The following PAFAH1B1 variants were observed in gnomAD, a reference collection of about 807,000 sequenced individuals.
PAFAH1B1 encodes the protein platelet activating factor acetylhydrolase 1b regulatory subunit 1.
In PAFAH1B1, 2 loss-of-function variants were observed where a neutral mutation model predicts 57.5. That is an observed-to-expected ratio of 0.03 (90% confidence interval 0.01 to 0.11). PAFAH1B1 has a LOEUF of 0.11. Among genes scored for constraint, PAFAH1B1 ranks in the 10% least tolerant of loss-of-function variants. The pLI is 1.00. For synonymous variants in PAFAH1B1, 152 were observed against 169.6 expected (o/e 0.90, Z 0.81); for missense variants, 257 against 512.0 (o/e 0.50, Z 4.81).
chr17:2,675,191 C>G (rs568387319), intron 8 of PAFAH1B1, among the ~76,000 whole-genome samples: 3 of 152,034 alleles, frequency 2.0e-5, no homozygotes, highest in Non-Finnish European at 4.4e-5. Flanking sequence ...TTAGTAGAAA[C>G]AAGGTTTTGC....
intron 1 of PAFAH1B1, among the ~76,000 whole-genome samples, chr17:2,596,385 G>A (rs909905064): frequency 6.6e-6 from 1 of 152,122 alleles, no homozygotes; most frequent in Non-Finnish European, 1.5e-5. Flanking sequence ...TTTTAAAATA[G>A]TGAACATAAA....
intron 9 of PAFAH1B1, among the ~76,000 whole-genome samples, chr17:2,679,007 T>G (rs1214733270): frequency 6.6e-6 from 1 of 152,202 alleles, no homozygotes; most frequent in African/African-American, 2.4e-5. Flanking sequence ...ACTGAATTGT[T>G]GGTTGTATGT....
intron 1 of PAFAH1B1, among the ~76,000 whole-genome samples, chr17:2,606,404 C>T (rs1290196435): frequency 2.6e-5 from 4 of 151,902 alleles, no homozygotes; most frequent in Non-Finnish European, 1.5e-5. Flanking sequence ...TCACTCTTGT[C>T]GCCCAGGCTG....
intron 2 of PAFAH1B1, among the ~76,000 whole-genome samples, chr17:2,643,014 A>G (rs541610181): frequency 6.6e-6 from 1 of 152,308 alleles, no homozygotes; most frequent in Non-Finnish European, 1.5e-5. Flanking sequence ...GTTTTTAAAA[A>G]TATGAGATAG....
chr17:2,644,805 C>T (rs2068744852), intron 2 of PAFAH1B1, among the ~76,000 whole-genome samples: 1 of 152,120 alleles, frequency 6.6e-6, no homozygotes, highest in African/African-American at 2.4e-5. Context: ...TCACTGCAGT[C>T]ACACTACCTT....
chr17:2,604,608 C>T (rs2068185351), intron 1 of PAFAH1B1, among the ~76,000 whole-genome samples: 3 of 152,038 alleles, frequency 2.0e-5, no homozygotes, highest in Non-Finnish European at 2.9e-5. Context: ...GTCAGGAGTT[C>T]GAGACCAGCC....
In PAFAH1B1 at chr17:2,654,484, A is replaced by G. The variant is rs138607070; in HGVS notation, c.33-10888A>G. Among the ~76,000 whole-genome samples, 134 of 152,122 alleles carry G rather than the reference A, an allele frequency of 8.8e-4. 2 individuals carry two copies. Among genetic ancestry groups the G allele is most frequent in the African/African-American group, 3.1e-3 (127 of 41,514 alleles). On this transcript the variant is annotated intron_variant, in intron 2 of 10. Transcript: ENST00000397195. ...GCCACTCCACTCGGTCTGTCTTTTCAACTTTAAAAGTTTGATAATGATGGA... is the reference window on the plus strand; with the variant it reads ...GCCACTCCACTCGGTCTGTCTTTTCGACTTTAAAAGTTTGATAATGATGGA...
chr17:2,678,010 A>G (rs1028605007), intron 9 of PAFAH1B1, among the ~76,000 whole-genome samples: 8 of 151,790 alleles, frequency 5.3e-5, no homozygotes, highest in Non-Finnish European at 1.2e-4. Flanking sequence ...CAATCCCAGC[A>G]CTTTTGGAGG....
chr17:2,672,782 A>G (rs1418198291), intron 7 of PAFAH1B1, 25 bp downstream of exon 7: 12 of 1,455,442 alleles, frequency 8.2e-6, no homozygotes, highest in Non-Finnish European at 1.2e-5. Context: ...TTGAAAAGGC[A>G]TCAGCGGCCA....
intron 2 of PAFAH1B1, chr17:2,641,946 G>A (rs1294823171): frequency 6.6e-6 from 1 of 152,118 alleles, no homozygotes; most frequent in Non-Finnish European, 1.5e-5. Flanking sequence ...GGTCAGTCTT[G>A]TATAGTTTTG....
chr17:2,680,086 A>T lies in PAFAH1B1; in HGVS notation c.1003-78A>T, dbSNP rs557740664. The T allele has an allele frequency of 5.6e-6, 7 of 1,253,662 alleles. No homozygotes were observed. The African/African-American group carries it at 1.0e-4, about 18-fold the overall frequency. 77.7% of individuals were successfully genotyped at this position (1,253,662 alleles called of 1,614,324 possible). On this transcript the variant is annotated intron_variant, in intron 9 of 10. Coordinates refer to ENST00000397195, the MANE Select transcript of PAFAH1B1 (RefSeq NM_000430.4). ...GTCTTTTGATGTTTTTGGTATGTAT[A>T]GTTTTATCGTATTATGAAATAGATG...
chr17:2,665,662 C>T (rs2069096709), intron 3 of PAFAH1B1, among the ~76,000 whole-genome samples: 1 of 151,754 alleles, frequency 6.6e-6, no homozygotes, highest in Admixed American at 6.6e-5. Context: ...AGTGCAGTGG[C>T]GTGATCTCGG....
intron 1 of PAFAH1B1, among the ~76,000 whole-genome samples, chr17:2,610,307 GAAACAA>G (rs2068253355): frequency 6.6e-6 from 1 of 152,068 alleles, no homozygotes; most frequent in Admixed American, 6.6e-5. Context: ...GGAGAAAGAA[GAAACAA>G]AAACAAAAGA....
intron 1 of PAFAH1B1, among the ~76,000 whole-genome samples, chr17:2,603,576 G>A (rs539811025): frequency 2.6e-5 from 4 of 151,958 alleles, no homozygotes; most frequent in Admixed American, 2.0e-4. Flanking sequence ...AGTTGAGATT[G>A]CACCACTGTA....
intron 1 of PAFAH1B1, among the ~76,000 whole-genome samples, chr17:2,617,054 C>G (rs920271465): frequency 3.3e-5 from 5 of 151,988 alleles, no homozygotes; most frequent in African/African-American, 1.2e-4. Context: ...GCCTGGGCGA[C>G]AGAACGAGAC....
chr17:2,634,740 G>A (rs1051663831), intron 1 of PAFAH1B1, among the ~76,000 whole-genome samples: 2 of 151,360 alleles, frequency 1.3e-5, no homozygotes, highest in African/African-American at 4.9e-5. Flanking sequence ...AGTTTATTTT[G>A]TGGCCTGTTT....
intron 1 of PAFAH1B1, among the ~76,000 whole-genome samples, chr17:2,630,541 AT>A (rs764269418): frequency 2.6e-5 from 4 of 152,152 alleles, no homozygotes; most frequent in Non-Finnish European, 5.9e-5. Context: ...AGCTCTTAAG[AT>A]TCTTTCCTTT....
At chr17:2,644,111 A>G (rs2068735245) in intron 2 of PAFAH1B1, among the ~76,000 whole-genome samples, 1 of 149,874 alleles carries the variant, frequency 6.7e-6, no homozygotes, top group African/African-American at 2.4e-5. Context: ...CTTGGGCCCA[A>G]GCCTCCCGAG....
At chr17:2,666,829 A>C (rs1343350941) in intron 4 of PAFAH1B1, among the ~76,000 whole-genome samples, 163 bp from the exon 5 acceptor site, 1 of 152,232 alleles carries the variant, frequency 6.6e-6, no homozygotes, top group Non-Finnish European at 1.5e-5. Flanking sequence ...GATGCTGTAC[A>C]AAATAAATAA....
Sources: allele counts gnomAD v4.1 joint callset (sites outside exome capture counted in the v4.1 genomes callset), GRCh38; gene constraint gnomAD v4.1.1; transcripts MANE v1.5; gene names NCBI Gene and HGNC (gene_info 2026-07-23, HGNC 2026-07-21).